KCNMA1: variants seen among roughly 807,000 people sequenced by gnomAD.
KCNMA1 encodes the protein potassium calcium-activated channel subfamily M alpha 1.
In KCNMA1, 29 loss-of-function variants were observed where a neutral mutation model predicts 140.0. The observed-to-expected ratio is 0.21, with a 90% CI of 0.15 to 0.28. The LOEUF (loss-of-function observed/expected upper bound fraction) is 0.28. Among genes scored for constraint, KCNMA1 ranks in the 10% least tolerant of loss-of-function variants. The pLI is 1.00. For missense variants in KCNMA1, 880 were observed against 1,602.2 expected, an observed-to-expected ratio of 0.55 and a Z score of 7.70; for synonymous variants, 612 against 611.9, an observed-to-expected ratio of 1.00 and a Z score of 0.00.
intron 2 of KCNMA1, among the ~76,000 whole-genome samples, chr10:77,311,815 C>G (rs2079393156): frequency 6.6e-6 from 1 of 152,178 alleles, no homozygotes; most frequent in South Asian, 2.1e-4. Flanking sequence ...TAAGCCTTAT[C>G]CATTCCCCCA....
chr10:77,614,005 G>A (rs2088220099), intron 1 of KCNMA1, among the ~76,000 whole-genome samples: 1 of 152,168 alleles, frequency 6.6e-6, no homozygotes, highest in African/African-American at 2.4e-5. Context: ...AGAAGGAGCT[G>A]GGGCAAATTT....
chr10:77,032,085 G>A (rs1469041686), intron 15 of KCNMA1, among the ~76,000 whole-genome samples: 1 of 152,168 alleles, frequency 6.6e-6, no homozygotes, highest in Non-Finnish European at 1.5e-5. Flanking sequence ...TATGCTCTGG[G>A]AATCTAATTT....
intron 5 of KCNMA1, among the ~76,000 whole-genome samples, chr10:77,175,082 GCTGGCTCCAA>G (rs1183680725): frequency 6.6e-6 from 1 of 152,112 alleles, no homozygotes; most frequent in Non-Finnish European, 1.5e-5. Flanking sequence ...AACACAGACT[GCTGGCTCCAA>G]CTCGCGGTTT....
chr10:77,362,248 T>C lies in KCNMA1; in HGVS notation c.540+41614A>G, dbSNP rs980623960. On this transcript the variant is annotated intron_variant, in intron 2 of 27. Coordinates refer to ENST00000286628, the MANE Select transcript of KCNMA1 (RefSeq NM_001161352.2). ...GGCAAACTGAGACCCTTCCGATCCA[T>C]TGTCCCTTCCCTGCACCCCCAAGAA... Among the ~76,000 whole-genome samples, 11 of 151,950 alleles carry C rather than the reference T, an allele frequency of 7.2e-5. No individual in the cohort carries two copies. The South Asian group carries it at 1.9e-3, about 26-fold the overall frequency.
Position 77,526,236 on chromosome 10 carries a change from T to C in KCNMA1, c.378+111029A>G, listed in dbSNP as rs181865060. On this transcript the variant is annotated intron_variant, in intron 1 of 27. Coordinates refer to ENST00000286628, the MANE Select transcript of KCNMA1 (RefSeq NM_001161352.2). ...GATCCATCCATAGTGGAGCCTTTCC[T>C]CCCCCAACTCTGTTCTCTTATGGGA... Among the ~76,000 whole-genome samples, 104 of 152,302 alleles carry C rather than the reference T, an allele frequency of 6.8e-4. 3 individuals are homozygous for C. In the East Asian group the frequency reaches 0.019, roughly 27 times the overall value.
intron 3 of KCNMA1, among the ~76,000 whole-genome samples, chr10:77,198,024 C>A (rs973108796): frequency 6.6e-6 from 1 of 152,108 alleles, no homozygotes; most frequent in Non-Finnish European, 1.5e-5. Context: ...AATGGCTTCC[C>A]TGGCCATCCT....
intron 17 of KCNMA1, among the ~76,000 whole-genome samples, chr10:77,016,227 T>A (rs1026619687): frequency 6.6e-6 from 1 of 152,124 alleles, no homozygotes; most frequent in Admixed American, 6.6e-5. Flanking sequence ...CATCTCAATC[T>A]CTGCTCAAAT....
chr10:77,365,834 T>C (rs2094315128), intron 2 of KCNMA1, among the ~76,000 whole-genome samples: 2 of 152,158 alleles, frequency 1.3e-5, no homozygotes, highest in African/African-American at 4.8e-5. Context: ...GGGCCCTACT[T>C]AGAAACCATC....
At position 77,610,840 on chromosome 10, in the gene KCNMA1, A is replaced by T. The variant is rs186895889; in HGVS notation, c.378+26425T>A. On this transcript the variant is annotated intron_variant, in intron 1 of 27. Transcript: ENST00000286628. ...TTGCGAATAAGCTAAAAAACTACCG[A>T]ACTGTATGTACACTTTAAAAGAAGG... Among the ~76,000 whole-genome samples the T allele has an allele frequency of 2.0e-4, 30 of 152,302 alleles. No individual in the cohort carries two copies. The East Asian group carries it at 4.8e-3, about 25-fold the overall frequency.
At chr10:76,971,676 C>T (rs534034478) in intron 19 of KCNMA1, among the ~76,000 whole-genome samples, 5 of 152,188 alleles carry the variant, frequency 3.3e-5, no homozygotes, top group South Asian at 4.1e-4. Flanking sequence ...AAGCTCAGGC[C>T]GAGACTGTAT....
rs1298855660 is a variant in KCNMA1, at chr10:76,913,075, ATTAC to A, written c.3016+1857_3016+1860del. The A allele has an allele frequency of 3.3e-5, 5 of 152,302 alleles. No individual in the cohort carries two copies. The East Asian group carries it at 9.7e-4, about 29-fold the overall frequency. 9.4% of individuals were successfully genotyped at this position (152,302 alleles called of 1,614,324 possible). On this transcript the variant is annotated intron_variant, in intron 24 of 27. Transcript: ENST00000286628. ...GGTTTCTAGACATCTCGCAAGCAAG[ATTAC>A]TGTGTTGAAAGCCTGCTCCCTTATT...
intron 3 of KCNMA1, among the ~76,000 whole-genome samples, chr10:77,192,653 G>A (rs1003479799): frequency 2.0e-5 from 3 of 152,168 alleles, no homozygotes; most frequent in African/African-American, 7.2e-5. Context: ...GCACTCAAAA[G>A]TGATAGTAAT....
At chr10:77,637,116 G>T in intron 1 of KCNMA1, 149 bp downstream of exon 1, 2 of 1,266,798 alleles carry the variant, frequency 1.6e-6, no homozygotes, top group Non-Finnish European at 2.1e-6. Context: ...GAGAGCACCG[G>T]GAGAGCCGAG....
In KCNMA1 at chr10:77,047,289, C is replaced by T. The variant is rs571282148; in HGVS notation, c.1750-7652G>A. 2.0e-5 allele frequency among the ~76,000 whole-genome samples: 3 copies of T among 152,332 alleles called. No homozygotes were observed. The East Asian group carries it at 5.8e-4, about 29-fold the overall frequency. ...GGACTTGAGCCAAATCTCTTACTCC[C>T]AGACCAGTGGGCTGCAGACTATCAA... On this transcript the variant is annotated intron_variant, in intron 14 of 27. Transcript: ENST00000286628.
At chr10:77,636,430 G>T (rs775202738) in intron 1 of KCNMA1, 11 of 1,536,042 alleles carry the variant, frequency 7.2e-6, no homozygotes, top group Admixed American at 5.9e-5. Context: ...CAGGGAAGAC[G>T]CTCCGCGTAA....
At chr10:77,007,031 A>C (rs1218089688) in intron 18 of KCNMA1, among the ~76,000 whole-genome samples, 1 of 152,190 alleles carries the variant, frequency 6.6e-6, no homozygotes, top group Non-Finnish European at 1.5e-5. Context: ...AATTTGAAAC[A>C]TCTTCTCCAA....
intron 27 of KCNMA1, 27 bp from the exon 28 acceptor site, chr10:76,887,542 C>T: frequency 6.2e-7 from 1 of 1,613,846 alleles, no homozygotes; most frequent in Non-Finnish European, 8.5e-7. Flanking sequence ...GAGATGTCAC[C>T]TCCTGAGAGT....
At position 77,637,724 on chromosome 10, in the gene KCNMA1, A is replaced by G; in HGVS notation, c.-82T>C. 7.5e-7 allele frequency: 1 copy of G among 1,339,912 alleles called. No individual in the cohort carries two copies. Among genetic ancestry groups the G allele is most frequent in the Non-Finnish European group, 9.4e-7 (1 of 1,058,688 alleles). 83.0% of individuals were successfully genotyped at this position (1,339,912 alleles called of 1,614,324 possible). Reference sequence around the variant, plus strand: ...CCACCCCAAACACCCATCAACAGCCATATTGCTGCTACTGCTGCCGCCGCC... The same window carrying G: ...CCACCCCAAACACCCATCAACAGCCGTATTGCTGCTACTGCTGCCGCCGCC... On this transcript the variant is annotated 5_prime_UTR_variant, in exon 1 of 28. An upstream start codon of the reference 5' UTR is lost. Transcript: ENST00000286628.
chr10:77,379,262 T>C (rs1200596060), intron 2 of KCNMA1, among the ~76,000 whole-genome samples: 1 of 152,174 alleles, frequency 6.6e-6, no homozygotes, highest in Non-Finnish European at 1.5e-5. Context: ...ATTTTTCTAA[T>C]ACAAATAAAG....
Sources: allele counts gnomAD v4.1 joint callset (sites outside exome capture counted in the v4.1 genomes callset), GRCh38; gene constraint gnomAD v4.1.1; transcripts MANE v1.5; gene names NCBI Gene and HGNC (gene_info 2026-07-23, HGNC 2026-07-21).